DCTD: variants seen among roughly 807,000 people sequenced by gnomAD.
The protein encoded by DCTD is deoxycytidylate deaminase.
A neutral mutation model predicts 21.0 loss-of-function variants in DCTD; 23 were observed. That is an observed-to-expected ratio of 1.09 (90% CI 0.79 to 1.55). DCTD has a LOEUF of 1.55. Ranked by LOEUF, DCTD falls within the 40% of genes most tolerant of loss-of-function variation. The probability of loss-of-function intolerance (pLI) is 0.00; values close to 1 mark genes in which losing one functional copy is unlikely to be tolerated. For missense variants in DCTD, 224 were observed against 230.0 expected, an observed-to-expected ratio of 0.97 and a Z score of 0.17; for synonymous variants, 71 against 81.1, an observed-to-expected ratio of 0.88 and a Z score of 0.67.
Position 182,890,436 on chromosome 4 carries a change from C to G in DCTD, c.*963G>C, listed in dbSNP as rs904174791. On this transcript the variant is annotated 3_prime_UTR_variant, in exon 6 of 6. Transcript: ENST00000438320. Reference sequence around the variant, plus strand: ...ACAGTGCTGCAGTAAGCTGTCTCCACGTGGGTGGAATTTCTCACAATCCAC... The same window carrying G: ...ACAGTGCTGCAGTAAGCTGTCTCCAGGTGGGTGGAATTTCTCACAATCCAC... 1.3e-5 allele frequency: 2 copies of G among 152,232 alleles called. No homozygotes were observed. Among genetic ancestry groups the G allele is most frequent in the Non-Finnish European group, 2.9e-5 (2 of 68,062 alleles). 9.4% of individuals were successfully genotyped at this position (152,232 alleles called of 1,614,324 possible). A position where few individuals can be genotyped will look rare whatever the true frequency, so the allele number is the denominator to read the frequency against.
At chr4:182,917,569 G>T, upstream of DCTD, 1 of 203,054 alleles carries the variant, frequency 4.9e-6, no homozygotes, top group Non-Finnish European at 9.4e-6. This position sits in a 1 kb window ranked among gnomAD's most constrained non-coding sequence, Gnocchi z 4.9. Context: ...CCGTGACGCA[G>T]CCCGCGGTCC....
chr4:182,908,861 T>G (rs1737206936), intron 3 of DCTD, among the ~76,000 whole-genome samples: 2 of 152,192 alleles, frequency 1.3e-5, no homozygotes, highest in South Asian at 4.1e-4. Flanking sequence ...CCTTTTATCT[T>G]GAGAGATTAC....
At chr4:182,902,629 C>A (rs1381215121) in intron 3 of DCTD, among the ~76,000 whole-genome samples, 1 of 152,220 alleles carries the variant, frequency 6.6e-6, no homozygotes, top group African/African-American at 2.4e-5. Flanking sequence ...AGGACTGGAG[C>A]AAGAAAATAA....
chr4:182,895,054 C>T (rs541113061), intron 3 of DCTD, among the ~76,000 whole-genome samples: 3 of 152,332 alleles, frequency 2.0e-5, no homozygotes, highest in East Asian at 1.9e-4. Context: ...TTTACCACAT[C>T]GTGCTCAGCC....
At chr4:182,910,228 A>C (rs1014861094) in intron 3 of DCTD, among the ~76,000 whole-genome samples, 1 of 152,224 alleles carries the variant, frequency 6.6e-6, no homozygotes, top group East Asian at 1.9e-4. Flanking sequence ...GCCCTTTGCC[A>C]GCAGAAATCA....
In DCTD at chr4:182,917,366, C is replaced by A; in HGVS notation, c.-63G>T. The A allele has an allele frequency of 9.2e-7, 1 of 1,092,678 alleles. No homozygotes were observed. The highest frequency in any genetic ancestry group is 4.4e-5 in the South Asian group (1 of 22,956). The allele number at this position is 1,092,678 out of a possible 1,614,324, so 67.7% of individuals were successfully genotyped here. A position where few individuals can be genotyped will look rare whatever the true frequency, so the allele number is the denominator to read the frequency against. ...TGCTCGTCCCCGCCGCCGCCGTGCT[C>A]AGGGAAGGAAGTCGGGGGAGGAGGC... On this transcript the variant is annotated 5_prime_UTR_variant, in exon 1 of 6. Transcript: ENST00000438320. The surrounding 1 kb of genome is among the most constrained non-coding windows in gnomAD (Gnocchi z 4.9).
chr4:182,894,930 G>A (rs189008536), intron 3 of DCTD, among the ~76,000 whole-genome samples: 1 of 152,344 alleles, frequency 6.6e-6, no homozygotes, highest in Admixed American at 6.5e-5. Context: ...TCATTGGTGT[G>A]CTGACACGCA....
rs139833471 is a variant in DCTD, at chr4:182,909,476, G to A, written c.244+5447C>T. Among the ~76,000 whole-genome samples, 18 of 152,270 alleles carry A rather than the reference G, an allele frequency of 1.2e-4. 1 individual carries two copies. Among genetic ancestry groups the A allele is most frequent in the South Asian group, 6.2e-4 (3 of 4,830 alleles). ...AAGTCCCTAATTAGACCTGCTGTCG[G>A]GCCACAACTAGTAGAAGGCCAGGCA... On this transcript the variant is annotated intron_variant, in intron 3 of 5. Transcript: ENST00000438320.
chr4:182,916,778 A>G, intron 1 of DCTD: 1 of 1,127,540 alleles, frequency 8.9e-7, no homozygotes. Context: ...CAGGAGAGGG[A>G]AGGGTCCTGT....
intron 1 of DCTD, 58 bp from the exon 2 acceptor site, chr4:182,915,633 T>C (rs1738604351): frequency 8.3e-7 from 1 of 1,201,220 alleles, no homozygotes; most frequent in African/African-American, 1.5e-5. Flanking sequence ...AAGTCTGTTT[T>C]CCAGTTCAAC....
chr4:182,905,233 A>G (rs1171859112), intron 3 of DCTD, among the ~76,000 whole-genome samples: 3 of 152,020 alleles, frequency 2.0e-5, no homozygotes, highest in African/African-American at 7.3e-5. Flanking sequence ...GTACTTGGCA[A>G]TATCACCTCT....
upstream of DCTD, chr4:182,917,574 C>T (rs1020677298): frequency 4.1e-5 from 8 of 195,878 alleles, no homozygotes; most frequent in Non-Finnish European, 6.9e-5. This position sits in a 1 kb window ranked among gnomAD's most constrained non-coding sequence, Gnocchi z 4.9. Context: ...ACGCAGCCCG[C>T]GGTCCGGCCG....
intron 3 of DCTD, among the ~76,000 whole-genome samples, chr4:182,913,189 G>C (rs1173322564): frequency 1.3e-5 from 2 of 152,176 alleles, no homozygotes; most frequent in African/African-American, 4.8e-5. Flanking sequence ...CAGTTTCTGA[G>C]TCCGCGCATT....
rs900346915 is a variant in DCTD at position 182,903,282 on chromosome 4, C to T, written c.245-8677G>A. Among the ~76,000 whole-genome samples, 18 of 152,296 alleles carry T rather than the reference C, an allele frequency of 1.2e-4. No homozygotes were observed. In the East Asian group the frequency reaches 1.4e-3, roughly 11 times the overall value. On this transcript the variant is annotated intron_variant, in intron 3 of 5. Coordinates refer to ENST00000438320, the MANE Select transcript of DCTD (RefSeq NM_001921.3). The stretch of plus-strand genomic sequence containing the variant: ...ACAAGTGACAGCGCTTCTGCCTCCC[C>T]GATCACGCTGCACCCGACAGCCTAC...
chr4:182,892,489 T>G (rs1284527902), intron 5 of DCTD, among the ~76,000 whole-genome samples: 1 of 151,870 alleles, frequency 6.6e-6, no homozygotes, highest in Non-Finnish European at 1.5e-5. Flanking sequence ...CCGTCTCTAC[T>G]GAAAGTACAA....
At chr4:182,913,753 CCCAGCATGATTTGCCTCTTTT>C (rs1738150533) in intron 3 of DCTD, among the ~76,000 whole-genome samples, 1 of 152,204 alleles carries the variant, frequency 6.6e-6, no homozygotes, top group Non-Finnish European at 1.5e-5. Flanking sequence ...AACCTGCATA[CCCAGCATGATTTGCCTCTTTT>C]CCAGCATTGC....
At chr4:182,893,701 C>G (rs1734220622) in intron 4 of DCTD, among the ~76,000 whole-genome samples, 1 of 152,168 alleles carries the variant, frequency 6.6e-6, no homozygotes, top group African/African-American at 2.4e-5. Context: ...GGGGCCCGGA[C>G]TGCTCGGCCC....
intron 3 of DCTD, among the ~76,000 whole-genome samples, chr4:182,900,561 C>A (rs1048121194): frequency 2.5e-4 from 38 of 150,710 alleles, no homozygotes; most frequent in Non-Finnish European, 5.0e-4. Flanking sequence ...TTCAAAGATA[C>A]AGTGTCTAGG....
At chr4:182,904,367 C>T (rs891422127) in intron 3 of DCTD, among the ~76,000 whole-genome samples, 4 of 152,300 alleles carry the variant, frequency 2.6e-5, no homozygotes, top group Non-Finnish European at 5.9e-5. Context: ...GTGAAATGCA[C>T]ACGTGATGCC....
Sources: gnomAD v4.1 joint callset for allele counts (sites outside exome capture counted in the v4.1 genomes callset) on GRCh38, gnomAD v4.1.1 for gene constraint, Gnocchi (gnomAD v3.1) non-coding constraint, MANE v1.5 for transcripts, NCBI Gene and HGNC (gene_info 2026-07-23, HGNC 2026-07-21) for gene names.